CDH6: variants seen among roughly 807,000 people sequenced by gnomAD.
CDH6 encodes cadherin-6.
In CDH6, 31 loss-of-function variants were observed where a neutral mutation model predicts 78.0. The observed-to-expected ratio is 0.40, with a 90% confidence interval of 0.30 to 0.54. The LOEUF (loss-of-function observed/expected upper bound fraction) is 0.54. CDH6 is among the 20% of genes least tolerant of loss of function. The probability of loss-of-function intolerance (pLI) is 0.56; values close to 1 mark genes in which losing one functional copy is unlikely to be tolerated. For synonymous variants in CDH6, 376 were observed against 368.8 expected (o/e 1.02, Z -0.23); for missense variants, 724 against 975.9 (o/e 0.74, Z 3.44).
intron 10 of CDH6, 30 bp downstream of exon 10, chr5:31,317,522 T>C (rs1370922157): frequency 6.6e-7 from 1 of 1,523,364 alleles, no homozygotes; most frequent in South Asian, 1.1e-5. Context: ...CTTCTCTATC[T>C]ATCTCCATCT....
chr5:31,292,600 A>G (rs1156501853), intron 2 of CDH6, among the ~76,000 whole-genome samples: 1 of 151,998 alleles, frequency 6.6e-6, no homozygotes, highest in Non-Finnish European at 1.5e-5. Flanking sequence ...AACAAGGTAG[A>G]GAGTAGCAGC....
At chr5:31,206,665 G>A (rs979397411) in intron 1 of CDH6, among the ~76,000 whole-genome samples, 60 of 152,160 alleles carry the variant, frequency 3.9e-4, no homozygotes, top group African/African-American at 1.3e-3. Context: ...AGCAATTTAC[G>A]GAAAATAGAT....
chr5:31,228,341 G>A (rs1741222703), intron 1 of CDH6, among the ~76,000 whole-genome samples: 1 of 152,184 alleles, frequency 6.6e-6, no homozygotes, highest in Non-Finnish European at 1.5e-5. Context: ...TGGGACGTGG[G>A]CATATTTGGA....
Position 31,322,955 on chromosome 5 carries a change from A to G in CDH6, c.2020A>G (p.Ile674Val). 1 of 1,614,180 alleles carries G rather than the reference A, an allele frequency of 6.2e-7. No homozygotes were observed. The change falls in exon 12 of 12, where the codon ATC becomes GTC. Residue 674 changes from isoleucine (I) to valine (V), a missense_variant. Around this residue, in one of 3 missense-constraint regions of CDH6, gnomAD observed 220 missense variants for 240.6 expected, o/e 0.91. Coordinates refer to ENST00000265071, the MANE Select transcript of CDH6 (RefSeq NM_004932.4). Reference protein sequence around the residue: ...GGEEDTQAFDIGTLRNPEAIE... With the variant: ...GGEEDTQAFDVGTLRNPEAIE... ...AGAGGAGGACACCCAGGCTTTTGAT[A>G]TCGGCACCCTGAGGAATCCTGAAGC...
Position 31,317,747 on chromosome 5 carries a change from G to A in CDH6, c.1705G>A (p.Val569Ile), listed in dbSNP as rs775431380. 1 of 1,614,146 alleles carries A rather than the reference G, an allele frequency of 6.2e-7. No individual in the cohort carries two copies. The highest frequency in any genetic ancestry group is 1.3e-5 in the African/African-American group (1 of 75,038). ...GATGAGCACCTATCTCTTGCCTGTG[G>A]TCATTTCAGACAACGACTACCCAGT... ...HEMSTYLLPVVISDNDYPVQS... is the reference protein window; with the variant it reads ...HEMSTYLLPVIISDNDYPVQS... The change falls in exon 11 of 12, where the codon GTC becomes ATC. Residue 569 changes from valine (V) to isoleucine (I), a missense_variant. By Grantham distance (29) the Val-to-Ile change is conservative. Around this residue, in one of 3 missense-constraint regions of CDH6, gnomAD observed 446 missense variants for 684.5 expected, o/e 0.65. Coordinates refer to ENST00000265071, the MANE Select transcript of CDH6 (RefSeq NM_004932.4).
chr5:31,222,534 G>T (rs186888880), intron 1 of CDH6, among the ~76,000 whole-genome samples: 1 of 152,086 alleles, frequency 6.6e-6, no homozygotes, highest in Non-Finnish European at 1.5e-5. Flanking sequence ...TTCTGCTGAT[G>T]ATTCAGATAT....
chr5:31,322,726 A>G lies in CDH6; in HGVS notation c.1883-92A>G, dbSNP rs1738503066. On this transcript the variant is annotated intron_variant, in intron 11 of 11. Coordinates refer to ENST00000265071, the MANE Select transcript of CDH6 (RefSeq NM_004932.4). ...TCTGCATTTTCTAGAGAACTTTTAAAACTTCACATTTGAGCACAGTGTTTC... is the reference window on the plus strand; with the variant it reads ...TCTGCATTTTCTAGAGAACTTTTAAGACTTCACATTTGAGCACAGTGTTTC... 18 of 1,452,410 alleles carry G rather than the reference A, an allele frequency of 1.2e-5. No homozygotes were observed. The South Asian group carries it at 2.2e-4, about 18-fold the overall frequency. 90.0% of individuals were successfully genotyped at this position (1,452,410 alleles called of 1,614,324 possible). A position where few individuals can be genotyped will look rare whatever the true frequency, so the allele number is the denominator to read the frequency against.
chr5:31,222,959 T>C (rs1480993556), intron 1 of CDH6, among the ~76,000 whole-genome samples: 1 of 152,154 alleles, frequency 6.6e-6, no homozygotes, highest in African/African-American at 2.4e-5. Flanking sequence ...CATTTGTTCT[T>C]TTGCAATACC....
intron 7 of CDH6, among the ~76,000 whole-genome samples, chr5:31,312,328 G>A (rs1006970379): frequency 3.3e-5 from 5 of 152,142 alleles, no homozygotes; most frequent in Non-Finnish European, 7.4e-5. Flanking sequence ...GTTTGTGGCA[G>A]CACCGTTCAA....
intron 11 of CDH6, chr5:31,318,192 G>A (rs1212367400): frequency 3.4e-6 from 2 of 591,966 alleles, no homozygotes; most frequent in Non-Finnish European, 6.0e-6. Flanking sequence ...AATGAATCTC[G>A]GGGGATTTCA....
In CDH6 at chr5:31,294,974, C is replaced by T. The variant is rs1259278328; in HGVS notation, c.523+718C>T. On this transcript the variant is annotated intron_variant, in intron 3 of 11. Transcript: ENST00000265071. This position sits in a 1 kb window ranked among gnomAD's most constrained non-coding sequence, Gnocchi z 4.1. ...TGAAATACTTCATGGGAGACACTGA[C>T]AAATTTTAAACTACTTATATAAAGG... 6.6e-6 allele frequency among the ~76,000 whole-genome samples: 1 copy of T among 152,152 alleles called. No homozygotes were observed. Among genetic ancestry groups the T allele is most frequent in the East Asian group, 1.9e-4 (1 of 5,198 alleles).
Position 31,267,681 on chromosome 5 carries a change from G to A in CDH6, c.208G>A (p.Asp70Asn), listed in dbSNP as rs370500416. 1.7e-5 allele frequency: 28 copies of A among 1,613,590 alleles called. No individual in the cohort carries two copies. The African/African-American group carries it at 2.0e-4, about 12-fold the overall frequency. ...TCTCCTGGAGGAATACACAGGATCC[G>A]ATTATCAGTATGTGGGCAAGGTAGG... is the stretch of plus-strand genomic sequence containing the variant. Reference protein sequence around the residue: ...FFLLEEYTGSDYQYVGKLHSD... With the variant: ...FFLLEEYTGSNYQYVGKLHSD... The change falls in exon 2 of 12, where the codon GAT becomes AAT. Residue 70 changes from aspartate to asparagine, a missense_variant. By Grantham distance (23) the Asp-to-Asn change is conservative. This residue lies in a region of CDH6 where 446 missense variants were observed against 684.5 expected (regional missense o/e 0.65). Coordinates refer to ENST00000265071, the MANE Select transcript of CDH6 (RefSeq NM_004932.4).
At chr5:31,262,412 C>G (rs1161045894) in intron 1 of CDH6, among the ~76,000 whole-genome samples, 1 of 152,148 alleles carries the variant, frequency 6.6e-6, no homozygotes, top group Non-Finnish European at 1.5e-5. Context: ...TATCAAATTT[C>G]CGAGCATACA....
intron 1 of CDH6, among the ~76,000 whole-genome samples, chr5:31,239,241 CA>C (rs1272865332): frequency 6.6e-6 from 1 of 152,164 alleles, no homozygotes; most frequent in Non-Finnish European, 1.5e-5. Context: ...TCTTATTTTA[CA>C]GTTAAAGAAA....
intron 1 of CDH6, among the ~76,000 whole-genome samples, chr5:31,257,159 A>ATGTT (rs200009608): frequency 4.9e-4 from 74 of 152,102 alleles, no homozygotes; most frequent in Admixed American, 1.8e-3. Context: ...AAGTATTCGC[A>ATGTT]TGTTTGTTTG....
Position 31,327,269 on chromosome 5 carries a change from T to G in CDH6, c.*3961T>G, listed in dbSNP as rs899461329. On this transcript the variant is annotated 3_prime_UTR_variant, in exon 12 of 12. Transcript: ENST00000265071. ...TGATTCCTGGGTGCCAACTAAATAT[T>G]CAAATCAGGTACTCATCCTTATCAG... 1 of 188,472 alleles carries G rather than the reference T, an allele frequency of 5.3e-6. No homozygotes were observed. Among genetic ancestry groups the G allele is most frequent in the Non-Finnish European group, 1.1e-5 (1 of 89,548 alleles). 11.7% of individuals were successfully genotyped at this position (188,472 alleles called of 1,614,324 possible).
At chr5:31,253,654 T>C (rs1479565234) in intron 1 of CDH6, among the ~76,000 whole-genome samples, 3 of 152,170 alleles carry the variant, frequency 2.0e-5, no homozygotes, top group African/African-American at 7.2e-5. Flanking sequence ...CATTGGGGAT[T>C]AGGTTTCAAC....
At chr5:31,320,759 C>T (rs1407353234) in intron 11 of CDH6, among the ~76,000 whole-genome samples, 1 of 152,124 alleles carries the variant, frequency 6.6e-6, no homozygotes, top group African/African-American at 2.4e-5. Context: ...AGGTGGATCA[C>T]TTGAGGTCAG....
chr5:31,292,837 A>G (rs1161388035), intron 2 of CDH6, among the ~76,000 whole-genome samples: 1 of 13,906 alleles, frequency 7.2e-5, no homozygotes, highest in Admixed American at 5.8e-4. Context: ...ATATATATAT[A>G]TATATATATG....
Sources: gnomAD v4.1 joint callset for allele counts (sites outside exome capture counted in the v4.1 genomes callset) on GRCh38, gnomAD v4.1.1 for gene constraint, gnomAD v4.1.1 regional missense constraint, Gnocchi (gnomAD v3.1) non-coding constraint, MANE v1.5 for transcripts, NCBI Gene and HGNC (gene_info 2026-07-23, HGNC 2026-07-21) for gene names.